GRM6: variants seen among roughly 807,000 people sequenced by gnomAD.
The protein encoded by GRM6 is glutamate metabotropic receptor 6.
In GRM6, 73 loss-of-function variants were observed where a neutral mutation model predicts 78.4. That is an observed-to-expected ratio of 0.93 (90% CI 0.77 to 1.13). The LOEUF is 1.13. Ranked by LOEUF, GRM6 falls within the 50% of genes most tolerant of loss-of-function variation. GRM6 has a pLI of 0.00. For missense variants in GRM6, 1,251 were observed against 1,256.4 expected, an observed-to-expected ratio of 1.00 and a Z score of 0.07; for synonymous variants, 580 against 555.0, an observed-to-expected ratio of 1.05 and a Z score of -0.63.
chr5:178,985,404 T>TAAA (rs10716144), intron 9 of GRM6: 285 of 316,678 alleles, frequency 9.0e-4, no homozygotes, highest in African/African-American at 2.0e-3. Context: ...CCTGTGGCCT[T>TAAA]AAAAAAAAAA....
In GRM6 at chr5:178,991,592, TCCCA is replaced by T. The variant is rs777795064; in HGVS notation, c.722-37_722-34del. 3.7e-6 allele frequency: 6 copies of T among 1,605,188 alleles called. No homozygotes were observed. The highest frequency in any genetic ancestry group is 5.1e-6 in the Non-Finnish European group (6 of 1,173,050). On this transcript the variant is annotated intron_variant, in intron 3 of 10. Coordinates refer to ENST00000517717, the MANE Select transcript of GRM6 (RefSeq NM_000843.4). This position sits in a 1 kb window ranked among gnomAD's most constrained non-coding sequence, Gnocchi z 5.0. ...TTGGGGGTGCCAGAGTCAGCTTCCG[TCCCA>T]CCCACCCACACACCCACCTGGCCAC... is the stretch of plus-strand genomic sequence containing the variant.
Position 178,981,796 on chromosome 5 carries a change from A to G in GRM6, c.2495T>C (p.Leu832Pro). The G allele has an allele frequency of 6.2e-7, 1 of 1,612,420 alleles. No individual in the cohort carries two copies. The highest frequency in any genetic ancestry group is 1.1e-5 in the South Asian group (1 of 91,050). ...GGTTTTGGGTACGTAGAGCATGCCG[A>G]GGGACACCGAGGCACTCAGGCTCAA... ...VSLSLSASVS[L>P]GMLYVPKTYV... Residue 832 changes from leucine to proline, a missense_variant, in exon 11 of 11, where the codon CTC (leucine) becomes CCC (proline). Leu to Pro is a moderately conservative substitution (Grantham distance 98). Coordinates refer to ENST00000517717, the MANE Select transcript of GRM6 (RefSeq NM_000843.4). This position sits in a 1 kb window ranked among gnomAD's most constrained non-coding sequence, Gnocchi z 5.1.
chr5:178,983,801 C>T (rs1358256037), intron 9 of GRM6, among the ~76,000 whole-genome samples: 3 of 152,198 alleles, frequency 2.0e-5, no homozygotes, highest in Non-Finnish European at 4.4e-5. Context: ...TGACAGGAAG[C>T]ACAACCTCAA....
At chr5:178,994,420 G>A in intron 2 of GRM6, 21 bp downstream of exon 2, 1 of 1,488,334 alleles carries the variant, frequency 6.7e-7, no homozygotes, top group Non-Finnish European at 8.9e-7. Context: ...TGGACACCGA[G>A]CCCGGCCCCG....
chr5:178,986,544 G>A lies in GRM6; in HGVS notation c.1710C>T (p.Gly570=). Residue 570 remains glycine (G), a synonymous_variant, in exon 9 of 11, where the codon GGC becomes GGT. Coordinates refer to ENST00000517717, the MANE Select transcript of GRM6 (RefSeq NM_000843.4). The part of the protein sequence containing the change: ...GDMRPTPNHT[G]CRPTPVVRLS... The stretch of plus-strand genomic sequence containing the variant: ...GGCGCACCACAGGTGTGGGGCGGCA[G>A]CCCGTGTGGTTGGGCGTGGGCCTCA... 2 of 1,607,810 alleles carry A rather than the reference G, an allele frequency of 1.2e-6. No homozygotes were observed. Among genetic ancestry groups the A allele is most frequent in the East Asian group, 2.2e-5 (1 of 44,804 alleles).
chr5:178,993,779 C>G (rs1021185520), intron 2 of GRM6, among the ~76,000 whole-genome samples: 12 of 152,184 alleles, frequency 7.9e-5, no homozygotes, highest in African/African-American at 2.9e-4. Flanking sequence ...CCTCACGGGA[C>G]AGTTCCCTAC....
rs1760364778 is a variant in GRM6, at chr5:178,980,253, A to G, written c.*1404T>C. 1 of 154,416 alleles carries G rather than the reference A, an allele frequency of 6.5e-6. No homozygotes were observed. The allele number at this position is 154,416 out of a possible 1,614,324, so 9.6% of individuals were successfully genotyped here. A position where few individuals can be genotyped will look rare whatever the true frequency, so the allele number is the denominator to read the frequency against. ...GTATACTGATCTTAAACAGTGGTCA[A>G]TTTAACAAATGTAAATTCTACTCCC... On this transcript the variant is annotated 3_prime_UTR_variant, in exon 11 of 11. Transcript: ENST00000517717. The surrounding 1 kb of genome is among the most constrained non-coding windows in gnomAD (Gnocchi z 4.3).
rs1286184470 is a variant in GRM6, at chr5:178,978,607, G to A, written c.*3050C>T. The A allele has an allele frequency of 1.3e-5, 2 of 152,296 alleles. No individual in the cohort carries two copies. The highest frequency in any genetic ancestry group is 1.9e-4 in the East Asian group (1 of 5,186). The allele number at this position is 152,296 out of a possible 1,614,324, so 9.4% of individuals were successfully genotyped here. On this transcript the variant is annotated 3_prime_UTR_variant, in exon 11 of 11. Coordinates refer to ENST00000517717, the MANE Select transcript of GRM6 (RefSeq NM_000843.4). ...AGGTGGTTAAAGCTTACATCAGAAC[G>A]TAATCTTACTCTGCTTTAGAGCTCT... is the stretch of plus-strand genomic sequence containing the variant.
At position 178,992,883 on chromosome 5, in the gene GRM6, G is replaced by C. The variant is rs1760706762; in HGVS notation, c.505-800C>G. Among the ~76,000 whole-genome samples the C allele has an allele frequency of 6.6e-6, 1 of 151,766 alleles. No homozygotes were observed. The highest frequency in any genetic ancestry group is 1.5e-5 in the Non-Finnish European group (1 of 67,974). On this transcript the variant is annotated intron_variant, in intron 2 of 10. Transcript: ENST00000517717. The surrounding 1 kb of genome is among the most constrained non-coding windows in gnomAD (Gnocchi z 4.9). ...AGGGAGAGAGAAAGAAAGAGGGAAG[G>C]TGGGGCTGGAGAGAAACAAGAAGGA...
chr5:178,984,176 G>C (rs1200979109), intron 9 of GRM6, among the ~76,000 whole-genome samples: 1 of 151,622 alleles, frequency 6.6e-6, no homozygotes, highest in South Asian at 2.1e-4. Context: ...AAGGCTCCAG[G>C]TGGAAAAAAA....
rs781517298 is a variant in GRM6 at position 178,994,618 on chromosome 5, C to A, written c.327G>T (p.Ala109=). Residue 109 remains alanine, a synonymous_variant, in exon 2 of 11, where the codon GCG becomes GCT. Transcript: ENST00000517717. ...CSRDTYALEQ[A]LSFVQALIRG... ...GGATCAGCGCCTGCACGAAGCTCAG[C>A]GCCTGCTCCAGCGCGTAGGTGTCCC... is the stretch of plus-strand genomic sequence containing the variant. 5.5e-6 allele frequency: 8 copies of A among 1,446,484 alleles called. No individual in the cohort carries two copies. In the Admixed American group the frequency reaches 2.0e-4, roughly 35 times the overall value. 89.6% of individuals were successfully genotyped at this position (1,446,484 alleles called of 1,614,324 possible).
rs6868708 is a variant in GRM6, at chr5:178,993,299, G to T, written c.504+1142C>A. 8.3e-3 allele frequency among the ~76,000 whole-genome samples: 1,258 copies of T among 152,284 alleles called. 14 individuals carry two copies. Among genetic ancestry groups the T allele is most frequent in the African/African-American group, 0.028 (1,172 of 41,548 alleles). ...CAACTGGGCCCCTGAAGGCCTTGGG[G>T]TCTGGAATCTCTGCATTCGACCTAG... On this transcript the variant is annotated intron_variant, in intron 2 of 10. Coordinates refer to ENST00000517717, the MANE Select transcript of GRM6 (RefSeq NM_000843.4).
At chr5:178,986,085 A>C in intron 9 of GRM6, 45 bp downstream of exon 9, 2 of 1,575,526 alleles carry the variant, frequency 1.3e-6, no homozygotes, top group Admixed American at 1.8e-5. Flanking sequence ...AACGTTGCGG[A>C]CAGTCCCCCT....
chr5:178,985,495 A>G (rs1177502303), intron 9 of GRM6: 2 of 342,170 alleles, frequency 5.8e-6, no homozygotes, highest in East Asian at 8.2e-5. Context: ...CGAGGTCAGG[A>G]GATCGAGACC....
At chr5:178,993,595 C>A (rs1760720365) in intron 2 of GRM6, among the ~76,000 whole-genome samples, 1 of 152,172 alleles carries the variant, frequency 6.6e-6, no homozygotes, top group Non-Finnish European at 1.5e-5. Flanking sequence ...GGAAGCCAGG[C>A]CTTCCTCCTT....
At position 178,992,032 on chromosome 5, in the gene GRM6, G is replaced by T. The variant is rs768079071; in HGVS notation, c.556C>A (p.Arg186Ser). The T allele has an allele frequency of 3.1e-6, 5 of 1,614,096 alleles. No homozygotes were observed. Among genetic ancestry groups the T allele is most frequent in the Non-Finnish European group, 4.2e-6 (5 of 1,180,006 alleles). The change falls in exon 3 of 11, where the codon CGC (arginine) becomes AGC (serine). Residue 186 changes from arginine (R) to serine (S), a missense_variant. By Grantham distance (110) the Arg-to-Ser change is moderately radical. Coordinates refer to ENST00000517717, the MANE Select transcript of GRM6 (RefSeq NM_000843.4). This position sits in a 1 kb window ranked among gnomAD's most constrained non-coding sequence, Gnocchi z 4.9. ...ACCACCCGGGAGAAGAAGTCATAGC[G>T]TGTGGAGTCGCTGAGCTCCGGGGCT... ...STAPELSDST[R>S]YDFFSRVVPP...
At position 178,994,484 on chromosome 5, in the gene GRM6, C is replaced by G; in HGVS notation, c.461G>C (p.Ser154Thr). 6.8e-7 allele frequency: 1 copy of G among 1,463,430 alleles called. No homozygotes were observed. The highest frequency in any genetic ancestry group is 9.0e-7 in the Non-Finnish European group (1 of 1,112,596). 90.7% of individuals were successfully genotyped at this position (1,463,430 alleles called of 1,614,324 possible). ...GTTGGCGACCATGATGGAGACGGAG[C>G]TGGCCGAGGCGCCCACGACGGCCAC... The part of the protein sequence containing the change: ...RVVAVVGASA[S>T]SVSIMVANVL... Residue 154 changes from serine (S) to threonine (T), a missense_variant, in exon 2 of 11, where the codon AGC becomes ACC. By Grantham distance (58) the Ser-to-Thr change is moderately conservative (BLOSUM62 1). Coordinates refer to ENST00000517717, the MANE Select transcript of GRM6 (RefSeq NM_000843.4).
chr5:178,985,888 A>T (rs892566422), intron 9 of GRM6: 1 of 568,296 alleles, frequency 1.8e-6, no homozygotes, highest in East Asian at 3.1e-5. Flanking sequence ...CAGCCTCCCA[A>T]GTAGCTAGGA....
At chr5:178,993,563 G>C (rs1425384422) in intron 2 of GRM6, among the ~76,000 whole-genome samples, 3 of 152,012 alleles carry the variant, frequency 2.0e-5, no homozygotes, top group Non-Finnish European at 4.4e-5. Context: ...TCAGGAAACA[G>C]AAGTTCCTCT....
Sources: allele counts gnomAD v4.1 joint callset (sites outside exome capture counted in the v4.1 genomes callset), GRCh38; gene constraint gnomAD v4.1.1; non-coding constraint Gnocchi (gnomAD v3.1); transcripts MANE v1.5; gene names NCBI Gene and HGNC (gene_info 2026-07-23, HGNC 2026-07-21).